Variants in SCNN1B observed in about 807,000 individuals in gnomAD.
The protein encoded by SCNN1B is epithelial sodium channel subunit beta.
SCNN1B carries 46 observed loss-of-function variants against 65.3 expected under a neutral mutation model. The ratio of observed to expected loss-of-function variants is 0.70; its 90% CI spans 0.56 to 0.90. The LOEUF (loss-of-function observed/expected upper bound fraction) is 0.90. Ranked by LOEUF, SCNN1B falls within the 40% of genes least tolerant of loss-of-function variation. The pLI is 0.00. For missense variants in SCNN1B, 751 were observed against 830.5 expected (o/e 0.90, Z 1.18); for synonymous variants, 349 against 330.6 (o/e 1.06, Z -0.60).
At chr16:23,355,227 C>A in intron 3 of SCNN1B, 72 bp from the exon 4 acceptor site, 2 of 1,476,344 alleles carry the variant, frequency 1.4e-6, no homozygotes, top group Non-Finnish European at 1.9e-6. Flanking sequence ...CCTGCTAGGG[C>A]CCTCGAGCAG....
intron 1 of SCNN1B, among the ~76,000 whole-genome samples, chr16:23,338,114 T>G (rs961480910): frequency 6.6e-6 from 1 of 152,170 alleles, no homozygotes; most frequent in African/African-American, 2.4e-5. Flanking sequence ...ATTTAATACA[T>G]TTCCTGCACC....
chr16:23,285,055 C>T (rs1960831234), intron 2 of SCNN1B, among the ~76,000 whole-genome samples: 1 of 152,076 alleles, frequency 6.6e-6, no homozygotes, highest in South Asian at 2.1e-4. Context: ...AATGAATAAT[C>T]CTGGAACAGA....
rs1404726419 is a variant in SCNN1B, at chr16:23,377,342, A to G, written c.1360A>G (p.Lys454Glu). The stretch of plus-strand genomic sequence containing the variant: ...CTTCTCTTTCAGTGACACCCAGTAC[A>G]AGATGACCATCTCCATGGCTGACTG... ...CKESCNDTQYKMTISMADWPS... is the reference protein window; with the variant it reads ...CKESCNDTQYEMTISMADWPS... Residue 454 changes from lysine (K) to glutamate (E), a missense_variant, in exon 10 of 13, where the codon AAG becomes GAG. By Grantham distance (56) the Lys-to-Glu change is moderately conservative (BLOSUM62 1). Transcript: ENST00000343070. The G allele has an allele frequency of 6.2e-7, 1 of 1,614,168 alleles. No homozygotes were observed. The highest frequency in any genetic ancestry group is 2.2e-5 in the East Asian group (1 of 44,874).
Position 23,319,567 on chromosome 16 carries a change from G to A in SCNN1B, c.-9+17130G>A, listed in dbSNP as rs553094579. Among the ~76,000 whole-genome samples, 10 of 152,154 alleles carry A rather than the reference G, an allele frequency of 6.6e-5. No individual in the cohort carries two copies. In the South Asian group the frequency reaches 1.2e-3, roughly 19 times the overall value. ...GTGAAGTGTGGTTGAAACATAGCCC[G>A]CCCAGTCATTTACATGTTATCTACG... is the stretch of plus-strand genomic sequence containing the variant. On this transcript the variant is annotated intron_variant, in intron 1 of 12. Transcript: ENST00000343070.
Position 23,380,232 on chromosome 16 carries a change from TG to T in SCNN1B, c.1542+68del. The T allele has an allele frequency of 2.0e-6, 3 of 1,518,478 alleles. No individual in the cohort carries two copies. Among genetic ancestry groups the T allele is most frequent in the Non-Finnish European group, 2.7e-6 (3 of 1,093,206 alleles). The allele number at this position is 1,518,478 out of a possible 1,614,324, so 94.1% of individuals were successfully genotyped here. ...TGCCCTGACCCCTGCACCCTGAGGG[TG>T]GGGGAAGGGTTCTGAGCCCTATGAA... On this transcript the variant is annotated intron_variant, in intron 12 of 12. Transcript: ENST00000343070. The surrounding 1 kb of genome is among the most constrained non-coding windows in gnomAD (Gnocchi z 5.4).
At chr16:23,352,205 C>T (rs1962323731) in intron 2 of SCNN1B, among the ~76,000 whole-genome samples, 5 of 152,204 alleles carry the variant, frequency 3.3e-5, no homozygotes, top group Admixed American at 3.3e-4. Context: ...GTGCCTGGCA[C>T]ATAGTAGGTG....
rs1230272160 is a variant in SCNN1B at position 23,377,380 on chromosome 16, C to T, written c.1398C>T (p.Ala466=). ...CCATGGCTGACTGGCCTTCTGAGGC[C>T]TCCGAGGTGAGACAGTTGGGGGCCA... ...TISMADWPSE[A]SEDWIFHVLS... Residue 466 remains alanine, a synonymous_variant, in exon 10 of 13, where the codon GCC becomes GCT. Coordinates refer to ENST00000343070, the MANE Select transcript of SCNN1B (RefSeq NM_000336.3). 1 of 1,614,142 alleles carries T rather than the reference C, an allele frequency of 6.2e-7. No individual in the cohort carries two copies. Among genetic ancestry groups the T allele is most frequent in the Non-Finnish European group, 8.5e-7 (1 of 1,179,992 alleles).
intron 5 of SCNN1B, among the ~76,000 whole-genome samples, chr16:23,371,031 T>G (rs977186879): frequency 2.6e-5 from 4 of 152,170 alleles, no homozygotes; most frequent in Non-Finnish European, 4.4e-5. Context: ...ATGCTATGCC[T>G]CCTTGATCTA....
At chr16:23,292,340 C>A (rs2141971033) in intron 2 of SCNN1B, among the ~76,000 whole-genome samples, 1 of 151,852 alleles carries the variant, frequency 6.6e-6, no homozygotes, top group East Asian at 1.9e-4. Flanking sequence ...ACTACAGGCG[C>A]CCGCCACCAC....
At chr16:23,357,011 T>A (rs1962434456) in intron 4 of SCNN1B, among the ~76,000 whole-genome samples, 1 of 152,204 alleles carries the variant, frequency 6.6e-6, no homozygotes, top group Non-Finnish European at 1.5e-5. Context: ...AGCCTCCAGG[T>A]GTGGGGTATG....
rs1962500645 is a variant in SCNN1B, at chr16:23,359,858, TACC to T, written c.776+4370_776+4372del. Among the ~76,000 whole-genome samples the T allele has an allele frequency of 2.0e-5, 3 of 152,330 alleles. No individual in the cohort carries two copies. In the East Asian group the frequency reaches 5.8e-4, roughly 29 times the overall value. The stretch of plus-strand genomic sequence containing the variant: ...GGATTAAATGAGAACATATGCAAAG[TACC>T]TGGTGCAATGCCTGGCACATAGTAA... On this transcript the variant is annotated intron_variant, in intron 4 of 12. Transcript: ENST00000343070.
intron 1 of SCNN1B, among the ~76,000 whole-genome samples, chr16:23,346,255 AGGCT>A (rs1293209042): frequency 1.7e-5 from 2 of 116,466 alleles, no homozygotes; most frequent in African/African-American, 7.2e-5. Context: ...TCTGTCGTCC[AGGCT>A]GGAGTGCAGT....
At chr16:23,315,945 C>G (rs1014497436) in intron 1 of SCNN1B, among the ~76,000 whole-genome samples, 3 of 152,088 alleles carry the variant, frequency 2.0e-5, no homozygotes, top group Non-Finnish European at 4.4e-5. Context: ...CCATCACCAC[C>G]ATTCCCCTCA....
chr16:23,295,245 G>A (rs183587766), intron 2 of SCNN1B, among the ~76,000 whole-genome samples: 32 of 151,874 alleles, frequency 2.1e-4, no homozygotes, highest in African/African-American at 7.5e-4. Flanking sequence ...TTGAGACCAG[G>A]TCTCACTCTG....
rs1447740167 is a variant in SCNN1B at position 23,355,334 on chromosome 16, C to T, written c.621C>T (p.Asn207=). The change falls in exon 4 of 13, where the codon AAC becomes AAT. Residue 207 remains asparagine (N), a synonymous_variant. Transcript: ENST00000343070. ...SLNRTQCTFR[N]FTSATQALTE... is the part of the protein sequence containing the mutation. ...ACAGGACCCAGTGTACCTTCCGGAA[C>T]TTCACCAGTGCTACCCAGGCATTGA... 1.2e-6 allele frequency: 2 copies of T among 1,614,112 alleles called. No individual in the cohort carries two copies. Among genetic ancestry groups the T allele is most frequent in the Non-Finnish European group, 1.7e-6 (2 of 1,180,050 alleles).
chr16:23,366,632 G>C lies in SCNN1B; in HGVS notation c.777-1224G>C, dbSNP rs1962675686. On this transcript the variant is annotated intron_variant, in intron 4 of 12. Transcript: ENST00000343070. ...GCCTGTAATCCCAGCTACTCAGGAG[G>C]CTGAGGCAGGAGAATCGCTGAGATT... Among the ~76,000 whole-genome samples the C allele has an allele frequency of 2.0e-5, 3 of 152,046 alleles. No individual in the cohort carries two copies. The South Asian group carries it at 6.2e-4, about 31-fold the overall frequency.
At chr16:23,313,557 A>G (rs1444505739) in intron 1 of SCNN1B, among the ~76,000 whole-genome samples, 1 of 152,216 alleles carries the variant, frequency 6.6e-6, no homozygotes, top group African/African-American at 2.4e-5. Flanking sequence ...GATAGGGCCC[A>G]AATGGCTCTC....
chr16:23,303,885 C>CTCTA (rs1961137940), intron 1 of SCNN1B: 1 of 665,106 alleles, frequency 1.5e-6, no homozygotes, highest in Admixed American at 2.1e-5. Context: ...CACCATTGCA[C>CTCTA]TCTAGCCTGA....
chr16:23,360,783 G>GT (rs1217507349), intron 4 of SCNN1B, among the ~76,000 whole-genome samples: 3 of 150,640 alleles, frequency 2.0e-5, no homozygotes, highest in African/African-American at 7.3e-5. Flanking sequence ...TTGGTTTTTG[G>GT]TTTTTGGTTT....
Sources: gnomAD v4.1 joint callset for allele counts (sites outside exome capture counted in the v4.1 genomes callset) on GRCh38, gnomAD v4.1.1 for gene constraint, Gnocchi (gnomAD v3.1) non-coding constraint, MANE v1.5 for transcripts, NCBI Gene and HGNC (gene_info 2026-07-23, HGNC 2026-07-21) for gene names.